STK3: variants seen among roughly 807,000 people sequenced by gnomAD.
STK3 encodes the protein serine/threonine kinase 3, also known as serine/threonine-protein kinase 3.
Under a neutral mutation model 58.0 loss-of-function variants are expected in STK3, and 41 were observed. The observed-to-expected ratio is 0.71, with a 90% CI of 0.55 to 0.92. The LOEUF (loss-of-function observed/expected upper bound fraction) is 0.92, where lower values mean the gene tolerates loss of function less well. STK3 is among the 40% of genes least tolerant of loss of function. STK3 has a pLI of 0.00. For missense variants in STK3, 479 were observed against 602.7 expected (o/e 0.79, Z 2.15); for synonymous variants, 170 against 191.0 (o/e 0.89, Z 0.91).
At position 98,655,742 on chromosome 8, in the gene STK3, C is replaced by A. The variant is rs537539821; in HGVS notation, c.684+50725G>T. ...CAAAAAACACATGAAAAAATGCTCA[C>A]CATCACTGGCCATCAGAGAAATGCA... On this transcript the variant is annotated intron_variant, in intron 6 of 10. Coordinates refer to ENST00000419617, the MANE Select transcript of STK3 (RefSeq NM_006281.4). Among the ~76,000 whole-genome samples, 770 of 152,062 alleles carry A rather than the reference C, an allele frequency of 5.1e-3. 5 individuals carry two copies. Among genetic ancestry groups the A allele is most frequent in the Non-Finnish European group, 6.5e-3 (443 of 67,950 alleles).
intron 6 of STK3, among the ~76,000 whole-genome samples, chr8:98,618,148 G>A (rs1222996650): frequency 5.9e-5 from 9 of 151,936 alleles, no homozygotes; most frequent in African/African-American, 1.9e-4. Context: ...GGGATGCAAG[G>A]CTGGTTCAAT....
At chr8:98,513,035 T>A (rs531846696) in intron 10 of STK3, among the ~76,000 whole-genome samples, 17 of 152,146 alleles carry the variant, frequency 1.1e-4, no homozygotes, top group Non-Finnish European at 2.4e-4. Flanking sequence ...CTAAAATATT[T>A]CTGTAGAGAA....
At chr8:98,517,871 C>A (rs1825053137) in intron 10 of STK3, among the ~76,000 whole-genome samples, 1 of 152,070 alleles carries the variant, frequency 6.6e-6, no homozygotes, top group African/African-American at 2.4e-5. Context: ...CCCCAATAGT[C>A]CCCAGTGCTT....
chr8:98,848,393 G>A (rs1015545435), intron 3 of STK3, among the ~76,000 whole-genome samples: 1 of 152,068 alleles, frequency 6.6e-6, no homozygotes, highest in African/African-American at 2.4e-5. Flanking sequence ...GGGATTACAG[G>A]TATGCGCCAC....
At chr8:98,623,175 G>A (rs760520670) in intron 6 of STK3, among the ~76,000 whole-genome samples, 6 of 151,618 alleles carry the variant, frequency 4.0e-5, no homozygotes, top group South Asian at 2.1e-4. Context: ...AATAAGATGA[G>A]AAGGAGGAGA....
At chr8:98,854,920 G>T (rs1836613246) in intron 3 of STK3, among the ~76,000 whole-genome samples, 2 of 152,146 alleles carry the variant, frequency 1.3e-5, no homozygotes, top group Admixed American at 1.3e-4. Flanking sequence ...AGCCAGGCGT[G>T]GTGGTGTGCA....
the STK3 span, among the ~76,000 whole-genome samples, chr8:98,356,946 A>C: frequency 3.9e-5 from 6 of 152,212 alleles, no homozygotes; most frequent in Admixed American, 6.5e-5. Context: ...CTTCTCTGCG[A>C]TATAGAATTA....
intron 6 of STK3, among the ~76,000 whole-genome samples, chr8:98,603,532 T>C (rs1816529175): frequency 6.6e-6 from 1 of 152,178 alleles, no homozygotes; most frequent in South Asian, 2.1e-4. Context: ...CCACCGCACC[T>C]GGCCTATGAC....
At chr8:98,369,747 C>T (rs958639485), downstream of STK3, among the ~76,000 whole-genome samples, 1 of 152,078 alleles carries the variant, frequency 6.6e-6, no homozygotes, top group African/African-American at 2.4e-5. Context: ...CGGGAAGTAC[C>T]CCCACCCAAA....
At chr8:98,611,064 T>G (rs1312315964) in intron 6 of STK3, among the ~76,000 whole-genome samples, 1 of 152,068 alleles carries the variant, frequency 6.6e-6, no homozygotes, top group Non-Finnish European at 1.5e-5. Context: ...AAACTCAAAC[T>G]GATACAAAGA....
intron 3 of STK3, among the ~76,000 whole-genome samples, chr8:98,848,217 C>G (rs1836286113): frequency 6.6e-6 from 1 of 151,986 alleles, no homozygotes; most frequent in South Asian, 2.1e-4. Flanking sequence ...CTCATCCCTC[C>G]CAGTCCCTGG....
chr8:98,621,501 C>A (rs1818315457), intron 6 of STK3, among the ~76,000 whole-genome samples: 2 of 152,064 alleles, frequency 1.3e-5, no homozygotes, highest in Non-Finnish European at 2.9e-5. Context: ...AACATTCAGT[C>A]TTTTACCATT....
intron 1 of STK3, among the ~76,000 whole-genome samples, chr8:98,788,990 A>G (rs558588875): frequency 6.6e-6 from 1 of 152,342 alleles, no homozygotes; most frequent in South Asian, 2.1e-4. Context: ...AACTTTCTCC[A>G]AGATAGACCA....
intron 3 of STK3, among the ~76,000 whole-genome samples, chr8:98,401,911 TG>T (rs1382651417): frequency 6.6e-6 from 1 of 152,216 alleles, no homozygotes; most frequent in African/African-American, 2.4e-5. Flanking sequence ...ATTATTCTTG[TG>T]CGCATGCATT....
At chr8:98,627,162 T>C (rs957697364) in intron 6 of STK3, among the ~76,000 whole-genome samples, 1 of 152,082 alleles carries the variant, frequency 6.6e-6, no homozygotes, top group Non-Finnish European at 1.5e-5. Context: ...GCAGATCACT[T>C]GAACTCAGGG....
intron 1 of STK3, among the ~76,000 whole-genome samples, chr8:98,891,923 A>G (rs1177298410): frequency 6.6e-6 from 1 of 152,196 alleles, no homozygotes; most frequent in Non-Finnish European, 1.5e-5. Flanking sequence ...GAAAGTACTC[A>G]GGCCACAAAC....
intron 4 of STK3, among the ~76,000 whole-genome samples, chr8:98,720,750 C>CAAAAAAAA (rs35529460): frequency 3.2e-5 from 3 of 94,768 alleles, no homozygotes; most frequent in Non-Finnish European, 4.3e-5. Context: ...GACTCCGTCT[C>CAAAAAAAA]AAAAAAAAAA....
At chr8:98,516,150 T>C (rs1824917631) in intron 10 of STK3, among the ~76,000 whole-genome samples, 1 of 152,110 alleles carries the variant, frequency 6.6e-6, no homozygotes, top group Admixed American at 6.6e-5. Context: ...AACAGCCTCC[T>C]ATCATGAGTC....
chr8:98,678,232 TA>T (rs1308502639), intron 6 of STK3, among the ~76,000 whole-genome samples: 4 of 151,706 alleles, frequency 2.6e-5, no homozygotes, highest in Admixed American at 1.3e-4. Flanking sequence ...TTCTTAAGGT[TA>T]AAAAAAATAA....
Sources: gnomAD v4.1 joint callset for allele counts (sites outside exome capture counted in the v4.1 genomes callset) on GRCh38, gnomAD v4.1.1 for gene constraint, MANE v1.5 for transcripts, NCBI Gene and HGNC (gene_info 2026-07-23, HGNC 2026-07-21) for gene names.